PLEKHO2: variants seen among roughly 807,000 people sequenced by gnomAD.
The protein encoded by PLEKHO2 is pleckstrin homology domain-containing family O member 2.
Under a neutral mutation model 32.7 loss-of-function variants are expected in PLEKHO2, and 20 were observed. The ratio of observed to expected loss-of-function variants is 0.61; its 90% CI spans 0.43 to 0.89. The LOEUF is 0.89. PLEKHO2 is among the 40% of genes least tolerant of loss of function. The pLI is 0.00. For synonymous variants in PLEKHO2, 247 were observed against 246.3 expected (o/e 1.00, Z -0.03); for missense variants, 568 against 621.2 (o/e 0.91, Z 0.91).
chr15:64,866,059 G>A lies in PLEKHO2; in HGVS notation c.*171G>A, dbSNP rs2084684258. 1 of 899,262 alleles carries A rather than the reference G, an allele frequency of 1.1e-6. No homozygotes were observed. The highest frequency in any genetic ancestry group is 1.6e-6 in the Non-Finnish European group (1 of 610,250). The allele number at this position is 899,262 out of a possible 1,614,324, so 55.7% of individuals were successfully genotyped here. ...AGACTCCTGGCGTCCTTCCTACTCT[G>A]CTCTGGCCAGTGGTGCCAGGTGCCA... On this transcript the variant is annotated 3_prime_UTR_variant, in exon 6 of 6. Transcript: ENST00000323544.
At position 64,859,913 on chromosome 15, in the gene PLEKHO2, A is replaced by G. The variant is rs1248016246; in HGVS notation, c.299A>G (p.Gln100Arg). The change falls in exon 4 of 6, where the codon CAG becomes CGG. Residue 100 changes from glutamine to arginine, a missense_variant. Coordinates refer to ENST00000323544, the MANE Select transcript of PLEKHO2 (RefSeq NM_025201.5). ...CCACAGGTCAGCGACATCAAATTCCAGGCACCCACCGGGGAGGAGAAGGAA... is the reference window on the plus strand; with the variant it reads ...CCACAGGTCAGCGACATCAAATTCCGGGCACCCACCGGGGAGGAGAAGGAA... ...PGNKVSDIKF[Q>R]APTGEEKESW... 6.2e-7 allele frequency: 1 copy of G among 1,614,124 alleles called. No homozygotes were observed. Among genetic ancestry groups the G allele is most frequent in the Non-Finnish European group, 8.5e-7 (1 of 1,179,976 alleles).
intron 3 of PLEKHO2, 81 bp from the exon 4 acceptor site, chr15:64,859,813 C>A: frequency 8.4e-7 from 1 of 1,192,934 alleles, no homozygotes; most frequent in Non-Finnish European, 1.2e-6. Flanking sequence ...ACTTTGGGAT[C>A]TAGGTAAGGA....
In PLEKHO2 at chr15:64,865,357, C is replaced by A. The variant is rs778022204; in HGVS notation, c.942C>A (p.Pro314=). The change falls in exon 6 of 6, where the codon CCC becomes CCA. Residue 314 remains proline, a synonymous_variant. Transcript: ENST00000323544. ...GTGGGAAGCCCCCTACACCCCCACC[C>A]AAGATCTTATCAGAGAAACTGAAAG... ...REGGKPPTPP[P]KILSEKLKAS... 1.9e-6 allele frequency: 3 copies of A among 1,613,720 alleles called. No homozygotes were observed. The East Asian group carries it at 6.7e-5, about 36-fold the overall frequency.
At chr15:64,858,377 G>A (rs923117594) in intron 3 of PLEKHO2, among the ~76,000 whole-genome samples, 3 of 152,138 alleles carry the variant, frequency 2.0e-5, no homozygotes, top group African/African-American at 7.2e-5. Flanking sequence ...GTGGAGGGAG[G>A]GGAGGTACTA....
In PLEKHO2 at chr15:64,865,486, G is replaced by A; in HGVS notation, c.1071G>A (p.Gln357=). ...DDSPEPAKPS[Q]AEGTPGTPPK... ...GTCCTGAGCCTGCCAAGCCCTCTCA[G>A]GCTGAGGGCACCCCAGGAACTCCTC... The change falls in exon 6 of 6, where the codon CAG becomes CAA. Residue 357 remains glutamine (Q), a synonymous_variant. Coordinates refer to ENST00000323544, the MANE Select transcript of PLEKHO2 (RefSeq NM_025201.5). 2 of 1,614,048 alleles carry A rather than the reference G, an allele frequency of 1.2e-6. No homozygotes were observed. The highest frequency in any genetic ancestry group is 8.5e-7 in the Non-Finnish European group (1 of 1,180,008).
intron 1 of PLEKHO2, 76 bp downstream of exon 1, chr15:64,842,104 C>T (rs1015828137): frequency 3.4e-6 from 4 of 1,183,338 alleles, no homozygotes; most frequent in Non-Finnish European, 4.2e-6. Flanking sequence ...TGGGCTCAGG[C>T]CCTCGTTCCT....
chr15:64,860,096 C>G (rs930348180), intron 4 of PLEKHO2, 98 bp downstream of exon 4: 1 of 1,019,328 alleles, frequency 9.8e-7, no homozygotes, highest in Non-Finnish European at 1.5e-6. Flanking sequence ...CAGACTACCC[C>G]TTGATTATGT....
Position 64,848,869 on chromosome 15 carries a change from C to T in PLEKHO2, c.162+127C>T. On this transcript the variant is annotated intron_variant, in intron 2 of 5. Transcript: ENST00000323544. ...GCTCTACTTTTGCCATGCTGTGCAA[C>T]CTTGAGCGAGTACCTAATCCTCTCT... The T allele has an allele frequency of 4.3e-6, 5 of 1,150,210 alleles. No homozygotes were observed. The African/African-American group carries it at 4.6e-5, about 11-fold the overall frequency. The allele number at this position is 1,150,210 out of a possible 1,614,324, so 71.3% of individuals were successfully genotyped here.
intron 5 of PLEKHO2, among the ~76,000 whole-genome samples, chr15:64,864,349 A>G (rs866691092): frequency 2.4e-4 from 37 of 152,254 alleles, no homozygotes; most frequent in African/African-American, 8.2e-4. Context: ...CAAAAGCTGG[A>G]GAGAAGCTGG....
chr15:64,842,150 A>G, intron 1 of PLEKHO2, 122 bp downstream of exon 1: 1 of 971,926 alleles, frequency 1.0e-6, no homozygotes, highest in Non-Finnish European at 1.3e-6. Context: ...CCTCAGGAAG[A>G]GCCTGGGCAA....
intron 5 of PLEKHO2, 150 bp from the exon 6 acceptor site, chr15:64,864,749 A>T: frequency 1.5e-6 from 1 of 672,022 alleles, no homozygotes; most frequent in East Asian, 2.8e-5. Context: ...CTTCTAATTA[A>T]GTAGCCACAG....
Position 64,864,952 on chromosome 15 carries a change from C to G in PLEKHO2, c.537C>G (p.Asp179Glu), listed in dbSNP as rs779809174. 10 of 1,613,962 alleles carry G rather than the reference C, an allele frequency of 6.2e-6. No homozygotes were observed. The highest frequency in any genetic ancestry group is 4.0e-5 in the African/African-American group (3 of 74,904). Reference sequence around the variant, plus strand: ...TGCGCCTGGATCTTGATGTTCCGGACAGTGGGCCACCAGTGTTTGCCCCCA... The same window carrying G: ...TGCGCCTGGATCTTGATGTTCCGGAGAGTGGGCCACCAGTGTTTGCCCCCA... ...GLLRLDLDVP[D>E]SGPPVFAPSN... is the part of the protein sequence containing the mutation. The change falls in exon 6 of 6, where the codon GAC (aspartate) becomes GAG (glutamate). Residue 179 changes from aspartate to glutamate, a missense_variant. Physicochemically the swap from Asp to Glu is conservative, Grantham distance 45 (BLOSUM62 2). Transcript: ENST00000323544.
chr15:64,863,995 G>A (rs780450330), intron 5 of PLEKHO2, among the ~76,000 whole-genome samples: 17 of 152,194 alleles, frequency 1.1e-4, no homozygotes, highest in Admixed American at 5.2e-4. Flanking sequence ...AGCCTGCCTC[G>A]GCCTCCCAAA....
intron 1 of PLEKHO2, among the ~76,000 whole-genome samples, chr15:64,845,545 C>T (rs1211606923): frequency 1.3e-5 from 2 of 152,170 alleles, no homozygotes; most frequent in East Asian, 1.9e-4. Context: ...CTCTGGCCTC[C>T]AGCCAGTCCT....
intron 5 of PLEKHO2, among the ~76,000 whole-genome samples, chr15:64,863,793 G>C (rs1167158155): frequency 6.6e-6 from 1 of 151,488 alleles, no homozygotes; most frequent in Non-Finnish European, 1.5e-5. Flanking sequence ...GCCCAGGCTG[G>C]AGTGCAATGG....
chr15:64,850,669 C>G (rs1338501167), intron 2 of PLEKHO2, among the ~76,000 whole-genome samples: 1 of 152,186 alleles, frequency 6.6e-6, no homozygotes, highest in African/African-American at 2.4e-5. Flanking sequence ...CCTTGTGCCT[C>G]GAATAGCCCT....
chr15:64,866,775 C>T lies in PLEKHO2; in HGVS notation c.*887C>T, dbSNP rs1183892657. The T allele has an allele frequency of 6.4e-6, 1 of 156,302 alleles. No homozygotes were observed. Among genetic ancestry groups the T allele is most frequent in the African/African-American group, 2.4e-5 (1 of 41,390 alleles). The allele number at this position is 156,302 out of a possible 1,614,324, so 9.7% of individuals were successfully genotyped here. On this transcript the variant is annotated 3_prime_UTR_variant, in exon 6 of 6. Coordinates refer to ENST00000323544, the MANE Select transcript of PLEKHO2 (RefSeq NM_025201.5). ...TCATGTCAGCCTTCAGAAGAGAATC[C>T]CCACCAACTTCTGTGCCTCCTCAGA...
At chr15:64,863,474 G>A (rs1356990812) in intron 5 of PLEKHO2, among the ~76,000 whole-genome samples, 2 of 151,830 alleles carry the variant, frequency 1.3e-5, no homozygotes, top group Non-Finnish European at 2.9e-5. Flanking sequence ...GGAGGGAGGG[G>A]CCCTCTGACA....
chr15:64,857,062 G>A (rs931337581), intron 3 of PLEKHO2, among the ~76,000 whole-genome samples: 1 of 152,214 alleles, frequency 6.6e-6, no homozygotes, highest in African/African-American at 2.4e-5. Flanking sequence ...CAGGAAGCAG[G>A]GTGGCCACTG....
Sources: allele counts gnomAD v4.1 joint callset (sites outside exome capture counted in the v4.1 genomes callset), GRCh38; gene constraint gnomAD v4.1.1; transcripts MANE v1.5; gene names NCBI Gene and HGNC (gene_info 2026-07-23, HGNC 2026-07-21).